THAP6: variants seen among roughly 807,000 people sequenced by gnomAD.
THAP6 encodes the protein THAP domain containing 6.
A neutral mutation model predicts 20.0 loss-of-function variants in THAP6; 13 were observed. The ratio of observed to expected loss-of-function variants is 0.65; its 90% confidence interval spans 0.42 to 1.03. The LOEUF is 1.03. Ranked by LOEUF, THAP6 falls within the 50% of genes least tolerant of loss-of-function variation. THAP6 has a pLI of 0.00. For synonymous variants in THAP6, 93 were observed against 92.2 expected (o/e 1.01, Z -0.05); for missense variants, 262 against 261.6 (o/e 1.00, Z -0.01).
At chr4:75,519,962 C>G in intron 3 of THAP6, among the ~76,000 whole-genome samples, 1 of 151,834 alleles carries the variant, frequency 6.6e-6, no homozygotes, top group East Asian at 1.9e-4. Context: ...CAAAGTGTTC[C>G]TATTTCTCCA....
At chr4:75,545,232 A>C (rs892549905) in intron 3 of THAP6, among the ~76,000 whole-genome samples, 5 of 152,334 alleles carry the variant, frequency 3.3e-5, no homozygotes, top group Middle Eastern at 3.4e-3. Context: ...CAGAGAGCAC[A>C]GCGCGGATTC....
downstream of THAP6, among the ~76,000 whole-genome samples, chr4:75,531,641 T>C (rs2148826350): frequency 6.6e-6 from 1 of 152,318 alleles, no homozygotes; most frequent in African/African-American, 2.4e-5. Flanking sequence ...CTGAGCACTT[T>C]ATAAAAGAAA....
Sources: gnomAD v4.1 joint callset for allele counts (sites outside exome capture counted in the v4.1 genomes callset) on GRCh38, gnomAD v4.1.1 for gene constraint, MANE v1.5 for transcripts, NCBI Gene and HGNC (gene_info 2026-07-23, HGNC 2026-07-21) for gene names.